Variants in SUPT3H observed in about 807,000 individuals in gnomAD.
SUPT3H encodes the protein SPT3 homolog, SAGA and STAGA complex component.
A neutral mutation model predicts 44.3 loss-of-function variants in SUPT3H; 44 were observed. The observed-to-expected ratio is 0.99, with a 90% CI of 0.78 to 1.28. The LOEUF is 1.28. Among genes scored for constraint, SUPT3H ranks in the 50% most tolerant of loss-of-function variants. SUPT3H has a pLI of 0.00. For missense variants in SUPT3H, 380 were observed against 387.1 expected (o/e 0.98, Z 0.15); for synonymous variants, 124 against 125.6 (o/e 0.99, Z 0.09).
intron 2 of SUPT3H, among the ~76,000 whole-genome samples, chr6:45,345,958 C>T (rs1342945553): frequency 4.6e-5 from 7 of 152,216 alleles, no homozygotes; most frequent in South Asian, 2.1e-4. Flanking sequence ...TGCTGTCTCC[C>T]GTACTTGCAA....
At chr6:45,130,462 A>G (rs1803254067) in intron 2 of SUPT3H, among the ~76,000 whole-genome samples, 1 of 152,074 alleles carries the variant, frequency 6.6e-6, no homozygotes, top group South Asian at 2.1e-4. Flanking sequence ...CTTTTCAGTT[A>G]CTATGAGCAA....
intron 2 of SUPT3H, among the ~76,000 whole-genome samples, chr6:45,282,935 A>G (rs1319743051): frequency 6.6e-6 from 1 of 152,206 alleles, no homozygotes; most frequent in Non-Finnish European, 1.5e-5. Flanking sequence ...AACATTCAAC[A>G]TTCTTAAGGA....
At chr6:45,252,712 A>C (rs1017595052) in intron 2 of SUPT3H, among the ~76,000 whole-genome samples, 3 of 152,192 alleles carry the variant, frequency 2.0e-5, no homozygotes, top group African/African-American at 7.2e-5. Flanking sequence ...CTTGAAGTTT[A>C]TTCATTCATT....
At chr6:45,017,529 G>C (rs1784480219) in intron 4 of SUPT3H, among the ~76,000 whole-genome samples, 1 of 152,144 alleles carries the variant, frequency 6.6e-6, no homozygotes, top group Non-Finnish European at 1.5e-5. Context: ...TGTATAAGGA[G>C]TAAGGAAGGG....
chr6:45,009,518 T>C (rs185590912), intron 5 of SUPT3H, among the ~76,000 whole-genome samples: 1 of 152,264 alleles, frequency 6.6e-6, no homozygotes, highest in East Asian at 1.9e-4. Context: ...CCCAAATTCT[T>C]TCTCTTGGAC....
intron 2 of SUPT3H, among the ~76,000 whole-genome samples, chr6:45,329,226 C>G (rs1181813747): frequency 6.6e-6 from 1 of 151,940 alleles, no homozygotes; most frequent in African/African-American, 2.4e-5. Context: ...ACAGAATTAT[C>G]TCAACATTAT....
At chr6:45,319,920 T>C (rs1261426874) in intron 2 of SUPT3H, among the ~76,000 whole-genome samples, 1 of 152,148 alleles carries the variant, frequency 6.6e-6, no homozygotes, top group African/African-American at 2.4e-5. Flanking sequence ...TCTTAACATC[T>C]TATTAGTAAT....
chr6:44,881,680 A>G (rs200546414), intron 10 of SUPT3H, among the ~76,000 whole-genome samples: 2 of 152,014 alleles, frequency 1.3e-5, no homozygotes, highest in African/African-American at 2.4e-5. Context: ...GAAATCATAA[A>G]CAGCCTCTCA....
chr6:45,039,695 G>C (rs146360105), intron 3 of SUPT3H, among the ~76,000 whole-genome samples: 3 of 152,024 alleles, frequency 2.0e-5, no homozygotes, highest in South Asian at 4.2e-4. Flanking sequence ...CAGGATAATC[G>C]CTTGAACCTG....
At chr6:45,131,289 C>T (rs1246911736) in intron 2 of SUPT3H, among the ~76,000 whole-genome samples, 2 of 152,144 alleles carry the variant, frequency 1.3e-5, no homozygotes, top group Non-Finnish European at 2.9e-5. Context: ...ATTTTTTCCT[C>T]AGTGTTCTGC....
At position 44,817,614 on chromosome 6, in the gene SUPT3H, G is replaced by C. The variant is rs546377003; in HGVS notation, c.*53-8113C>G. Among the ~76,000 whole-genome samples, 255 of 152,126 alleles carry C rather than the reference G, an allele frequency of 1.7e-3. 1 individual carries two copies. The highest frequency in any genetic ancestry group is 5.8e-3 in the African/African-American group (241 of 41,510). ...CCCCCACCACCTCAGCAATCTATTA[G>C]AGCTAGTAAGTTCAGCAAGGTTTTA... On this transcript the variant is annotated intron_variant and NMD_transcript_variant, in intron 11 of 11. Coordinates refer to the SUPT3H transcript ENST00000475057.
At chr6:44,970,816 T>G (rs546550490) in intron 6 of SUPT3H, among the ~76,000 whole-genome samples, 123 of 152,324 alleles carry the variant, frequency 8.1e-4, no homozygotes, top group African/African-American at 2.7e-3. Flanking sequence ...AGCCATTAAT[T>G]CATAAAATTT....
chr6:45,114,803 G>A (rs1161317335), intron 2 of SUPT3H, among the ~76,000 whole-genome samples: 1 of 152,082 alleles, frequency 6.6e-6, no homozygotes, highest in Non-Finnish European at 1.5e-5. Flanking sequence ...ATCATTGAAT[G>A]TTAGGTCAAA....
At chr6:45,193,689 CT>C (rs1815524038) in intron 2 of SUPT3H, among the ~76,000 whole-genome samples, 1 of 152,028 alleles carries the variant, frequency 6.6e-6, no homozygotes, top group Non-Finnish European at 1.5e-5. Context: ...GCACTCCAGC[CT>C]GAGCAACAAG....
At chr6:44,834,112 A>AGTT (rs751499176) in intron 10 of SUPT3H, among the ~76,000 whole-genome samples, 3 of 152,110 alleles carry the variant, frequency 2.0e-5, no homozygotes, top group Non-Finnish European at 4.4e-5. Context: ...GTCTGAGTGG[A>AGTT]GATTAGGCTT....
chr6:45,174,561 C>T (rs1811372824), intron 2 of SUPT3H, among the ~76,000 whole-genome samples: 1 of 152,084 alleles, frequency 6.6e-6, no homozygotes, highest in South Asian at 2.1e-4. Flanking sequence ...CATCAACAGC[C>T]ATAATGGTGC....
chr6:45,213,203 AAG>A (rs1472451034), intron 2 of SUPT3H, among the ~76,000 whole-genome samples: 2 of 152,208 alleles, frequency 1.3e-5, no homozygotes, highest in African/African-American at 2.4e-5. Context: ...GTGCGCCTGG[AAG>A]AGTTTGAGTA....
intron 3 of SUPT3H, among the ~76,000 whole-genome samples, chr6:45,103,174 T>C (rs768095693): frequency 2.6e-5 from 4 of 152,184 alleles, no homozygotes; most frequent in Non-Finnish European, 4.4e-5. Flanking sequence ...TGCCTGGATA[T>C]TGTAGAGGTA....
intron 2 of SUPT3H, among the ~76,000 whole-genome samples, chr6:45,340,443 C>A (rs963869055): frequency 2.0e-5 from 3 of 152,070 alleles, no homozygotes; most frequent in Admixed American, 6.6e-5. Flanking sequence ...CCCGACTCAG[C>A]ATCCCAGGTA....
Sources: gnomAD v4.1 joint callset for allele counts (sites outside exome capture counted in the v4.1 genomes callset) on GRCh38, gnomAD v4.1.1 for gene constraint, MANE v1.5 for transcripts, NCBI Gene and HGNC (gene_info 2026-07-23, HGNC 2026-07-21) for gene names.